Variants in ZC4H2 observed in about 807,000 individuals in gnomAD.
ZC4H2 encodes the protein zinc finger C4H2-type containing.
For synonymous variants in ZC4H2, 84 were observed against 66.3 expected (o/e 1.27, Z -1.30); for missense variants, 137 against 173.9 (o/e 0.79, Z 1.19).
chrX:64,996,671 G>A (rs1364981291), intron 1 of ZC4H2, among the ~76,000 whole-genome samples: 20 of 111,575 alleles, frequency 1.8e-4, no homozygotes, highest in African/African-American at 5.9e-4. Context: ...AGATTTTTAA[G>A]CTGAAAAGTA....
At position 65,012,045 on chromosome X, in the gene ZC4H2, A is replaced by T. The variant is rs191912812; in HGVS notation, c.-272+22584T>A. ...CTACATTAATGTAGTTGTTTGGCAG[A>T]CTCCAGTCTAGGTAGCTCTACAGCT... On this transcript the variant is annotated intron_variant, in intron 1 of 4. Coordinates refer to the ZC4H2 transcript ENST00000337990. Among the ~76,000 whole-genome samples the T allele has an allele frequency of 3.9e-3, 422 of 107,450 alleles. 1 individual carries two copies. Among genetic ancestry groups the T allele is most frequent in the Non-Finnish European group, 7.4e-3 (387 of 52,038 alleles). The allele number at this position is 107,450 out of a possible 115,157, so 93.3% of individuals were successfully genotyped here.
chrX:64,988,336 T>A (rs940208101), intron 1 of ZC4H2, among the ~76,000 whole-genome samples: 17 of 111,475 alleles, frequency 1.5e-4, no homozygotes, highest in Non-Finnish European at 1.9e-4. Context: ...GTTGAACTAG[T>A]TTACAGTCCC....
At chrX:65,032,829 T>C (rs1932952627) in intron 1 of ZC4H2, among the ~76,000 whole-genome samples, 1 of 108,026 alleles carries the variant, frequency 9.3e-6, no homozygotes, top group African/African-American at 3.4e-5. Flanking sequence ...CTAGATGGAG[T>C]GCAATGGTGC....
chrX:64,954,963 C>T (rs1931095550), intron 1 of ZC4H2, among the ~76,000 whole-genome samples: 2 of 111,562 alleles, frequency 1.8e-5, no homozygotes, highest in South Asian at 3.7e-4. Context: ...TTCAAGAGGA[C>T]ATAAGTCTAA....
At chrX:64,994,658 G>A (rs1473791010) in intron 1 of ZC4H2, among the ~76,000 whole-genome samples, 1 of 111,151 alleles carries the variant, frequency 9.0e-6, no homozygotes, top group Non-Finnish European at 1.9e-5. Context: ...TTTGTGCTCT[G>A]CTTGGCTTTT....
intron 1 of ZC4H2, among the ~76,000 whole-genome samples, chrX:64,937,094 GAA>G (rs58864488): frequency 1.0e-3 from 102 of 97,226 alleles, no homozygotes; most frequent in African/African-American, 3.5e-3. Flanking sequence ...CAAATGGAAA[GAA>G]AAAAAAAAAA....
chrX:65,002,996 C>T (rs1278377321), intron 1 of ZC4H2, among the ~76,000 whole-genome samples: 1 of 109,395 alleles, frequency 9.1e-6, no homozygotes. Context: ...CTTCCCTCCA[C>T]TATTGTCCTA....
Position 64,918,886 on chromosome X carries a change from C to T in ZC4H2, c.561+156G>A, listed in dbSNP as rs182307178. On this transcript the variant is annotated intron_variant, in intron 4 of 4. Coordinates refer to ENST00000374839, the MANE Select transcript of ZC4H2 (RefSeq NM_018684.4). ...AAACCTGTGCTGTGTGTGTCCAACA[C>T]AGCACACCCATGTCACCCCTTCCAC... The T allele has an allele frequency of 1.0e-4, 66 of 648,804 alleles. 1 individual carries two copies. The African/African-American group carries it at 1.3e-3, about 13-fold the overall frequency. The allele number at this position is 648,804 out of a possible 1,213,427, so 53.5% of individuals were successfully genotyped here. A position where few individuals can be genotyped will look rare whatever the true frequency, so the allele number is the denominator to read the frequency against.
At chrX:64,971,845 G>T (rs1049056389) in intron 1 of ZC4H2, among the ~76,000 whole-genome samples, 3 of 111,806 alleles carry the variant, frequency 2.7e-5, no homozygotes, top group Non-Finnish European at 3.8e-5. Flanking sequence ...CTTCCAAAAT[G>T]GTTTTTCTTT....
At chrX:64,945,027 T>A (rs981836536) in intron 1 of ZC4H2, among the ~76,000 whole-genome samples, 1 of 112,614 alleles carries the variant, frequency 8.9e-6, no homozygotes, top group Non-Finnish European at 1.9e-5. Context: ...TAGAACATGC[T>A]CCTTTAGCTC....
chrX:65,030,663 C>G (rs1339493181), intron 1 of ZC4H2, among the ~76,000 whole-genome samples: 1 of 111,533 alleles, frequency 9.0e-6, no homozygotes. Flanking sequence ...GACAAAGACT[C>G]TCTGCTTGAC....
chrX:65,010,755 C>T (rs1309493856), intron 1 of ZC4H2, among the ~76,000 whole-genome samples: 1 of 111,970 alleles, frequency 8.9e-6, no homozygotes, highest in African/African-American at 3.2e-5. Context: ...CCTTTATTGA[C>T]ATATTTTAGA....
At chrX:64,964,504 C>T (rs1931518152) in intron 1 of ZC4H2, among the ~76,000 whole-genome samples, 1 of 111,459 alleles carries the variant, frequency 9.0e-6, no homozygotes, top group African/African-American at 3.3e-5. Flanking sequence ...AGCAAGATGA[C>T]AGTGGTGTAT....
At chrX:64,938,059 G>A (rs1202643594) in intron 1 of ZC4H2, among the ~76,000 whole-genome samples, 4 of 111,720 alleles carry the variant, frequency 3.6e-5, no homozygotes, top group Non-Finnish European at 7.5e-5. Context: ...AAGAAGAAAA[G>A]ACAGAAGAAT....
chrX:64,931,671 T>C (rs941143244), intron 1 of ZC4H2, among the ~76,000 whole-genome samples: 2 of 111,671 alleles, frequency 1.8e-5, no homozygotes, highest in African/African-American at 6.5e-5. Flanking sequence ...TGAGGGTTCT[T>C]TTTGAAGTTG....
intron 1 of ZC4H2, among the ~76,000 whole-genome samples, chrX:65,002,020 T>C (rs888282783): frequency 9.0e-6 from 1 of 111,143 alleles, no homozygotes; most frequent in Non-Finnish European, 1.9e-5. Context: ...ACTGTCAATA[T>C]TAGACAGAGC....
chrX:64,953,277 T>C (rs774214754), intron 1 of ZC4H2, among the ~76,000 whole-genome samples: 3 of 112,042 alleles, frequency 2.7e-5, no homozygotes, highest in Admixed American at 1.9e-4. Flanking sequence ...ACTTCATGTC[T>C]AAAACACCAA....
intron 1 of ZC4H2, among the ~76,000 whole-genome samples, chrX:65,023,100 C>A (rs1932849346): frequency 9.0e-6 from 1 of 111,438 alleles, no homozygotes; most frequent in Admixed American, 9.6e-5. Context: ...CATAATGCCT[C>A]CAGTTTTGTT....
intron 1 of ZC4H2, among the ~76,000 whole-genome samples, chrX:64,970,185 C>T (rs1931728708): frequency 8.9e-6 from 1 of 112,132 alleles, no homozygotes; most frequent in South Asian, 3.7e-4. Context: ...AGCATTCTTC[C>T]ATGTAATATT....
Sources: allele counts gnomAD v4.1 joint callset (sites outside exome capture counted in the v4.1 genomes callset), GRCh38; gene constraint gnomAD v4.1.1; transcripts MANE v1.5; gene names NCBI Gene and HGNC (gene_info 2026-07-23, HGNC 2026-07-21).